CTAGE1: variants seen among roughly 807,000 people sequenced by gnomAD.
The protein encoded by CTAGE1 is cTAGE family member 2.
For synonymous variants in CTAGE1, 332 were observed against 302.8 expected, an observed-to-expected ratio of 1.10 and a Z score of -1.00; for missense variants, 963 against 855.9, an observed-to-expected ratio of 1.13 and a Z score of -1.56.
In CTAGE1 at chr18:22,416,236, T is replaced by C; in HGVS notation, c.1576A>G (p.Arg526Gly). 6.2e-7 allele frequency: 1 copy of C among 1,613,912 alleles called. No individual in the cohort carries two copies. The highest frequency in any genetic ancestry group is 8.5e-7 in the Non-Finnish European group (1 of 1,179,854). Residue 526 changes from arginine to glycine, a missense_variant, in exon 1 of 1, where the codon AGA (arginine) becomes GGA (glycine). Transcript: ENST00000391403. ...GGATTCCCTGGGCCTCTGGAGCCTC[T>C]TCCTCCTCCCCGTGGAAGCAAAGGT... ...LSPLLPRGGG[R>G]GSRGPGNPPD...
chr18:22,415,914 T>C lies in CTAGE1; in HGVS notation c.1898A>G (p.Asn633Ser). Residue 633 changes from asparagine to serine, a missense_variant, in exon 1 of 1, where the codon AAT (asparagine) becomes AGT (serine). Physicochemically the swap from Asn to Ser is conservative, Grantham distance 46. Coordinates refer to ENST00000391403, the MANE Select transcript of CTAGE1 (RefSeq NM_172241.3). Reference protein sequence around the residue: ...SMPSEMESSRNDTKDNLGNLK... With the variant: ...SMPSEMESSRSDTKDNLGNLK... ...ATTACCAAGATTATCTTTGGTATCA[T>C]TTCTACTGGATTCCATTTCTGAAGG... 6.2e-7 allele frequency: 1 copy of C among 1,613,974 alleles called. No individual in the cohort carries two copies. The highest frequency in any genetic ancestry group is 2.2e-5 in the East Asian group (1 of 44,876).
In CTAGE1 at chr18:22,415,828, G is replaced by A; in HGVS notation, c.1984C>T (p.Pro662Ser). The A allele has an allele frequency of 1.2e-6, 2 of 1,613,940 alleles. No individual in the cohort carries two copies. The highest frequency in any genetic ancestry group is 1.7e-6 in the Non-Finnish European group (2 of 1,179,856). ...CCTCTGATTGGAGCAAGAGGTGGAG[G>A]AACAAAGCCAGGGCCAGTTGCTTCA... ...ENEATGPGFV[P>S]PPLAPIRGLL... Residue 662 changes from proline (P) to serine (S), a missense_variant, in exon 1 of 1, where the codon CCT (proline) becomes TCT (serine). Pro to Ser is a moderately conservative substitution (Grantham distance 74). Transcript: ENST00000391403.
chr18:22,416,016 T>A lies in CTAGE1; in HGVS notation c.1796A>T (p.Asn599Ile), dbSNP rs1315266681. 1 of 1,613,928 alleles carries A rather than the reference T, an allele frequency of 6.2e-7. No homozygotes were observed. Among genetic ancestry groups the A allele is most frequent in the African/African-American group, 1.3e-5 (1 of 75,048 alleles). ...PPQRQDRFYS[N>I]CARLSGPAEL... ...TGCTGGTCCAGAGAGTCTAGCACAA[T>A]TAGAATAAAATCTGTCTTGCCTTTG... is the stretch of plus-strand genomic sequence containing the variant. Residue 599 changes from asparagine to isoleucine, a missense_variant, in exon 1 of 1, where the codon AAT (asparagine) becomes ATT (isoleucine). Transcript: ENST00000391403.
rs375036881 is a variant in CTAGE1 at position 22,415,569 on chromosome 18, T to G, written c.*5A>C. 27 of 1,587,100 alleles carry G rather than the reference T, an allele frequency of 1.7e-5. No individual in the cohort carries two copies. In the African/African-American group the frequency reaches 2.2e-4, roughly 13 times the overall value. Reference sequence around the variant, plus strand: ...ACTCAACCCTGATGGAAACTCATTCTACCTTCAGAATGTGGGGGCTGGGGG... The same window carrying G: ...ACTCAACCCTGATGGAAACTCATTCGACCTTCAGAATGTGGGGGCTGGGGG... On this transcript the variant is annotated 3_prime_UTR_variant, in exon 1 of 1. Coordinates refer to ENST00000391403, the MANE Select transcript of CTAGE1 (RefSeq NM_172241.3).
rs1328789678 is a variant in CTAGE1, at chr18:22,414,632, A to C, written c.*942T>G. ...AATTCACCAACTGCAATTAAGCACTATCTTAGATTTACTCCTTCCCCTTGC... is the reference window on the plus strand; with the variant it reads ...AATTCACCAACTGCAATTAAGCACTCTCTTAGATTTACTCCTTCCCCTTGC... On this transcript the variant is annotated 3_prime_UTR_variant, in exon 1 of 1. Transcript: ENST00000391403. 1.4e-6 allele frequency: 1 copy of C among 700,266 alleles called. No individual in the cohort carries two copies. Among genetic ancestry groups the C allele is most frequent in the East Asian group, 2.7e-5 (1 of 37,256 alleles). 43.4% of individuals were successfully genotyped at this position (700,266 alleles called of 1,614,324 possible).
In CTAGE1 at chr18:22,416,437, C is replaced by T; in HGVS notation, c.1375G>A (p.Glu459Lys). The change falls in exon 1 of 1, where the codon GAA (glutamate) becomes AAA (lysine). Residue 459 changes from glutamate (E) to lysine (K), a missense_variant. Physicochemically the swap from Glu to Lys is moderately conservative, Grantham distance 56. Coordinates refer to ENST00000391403, the MANE Select transcript of CTAGE1 (RefSeq NM_172241.3). The stretch of plus-strand genomic sequence containing the variant: ...AAAAGTTTTATTTTAAACTCTATTT[C>T]AGTTAATTTTTGTCTGTTGTGAGCA... ...ENAHNRQKLT[E>K]IEFKIKLLEK... 1.9e-6 allele frequency: 3 copies of T among 1,613,790 alleles called. No homozygotes were observed. The highest frequency in any genetic ancestry group is 2.5e-6 in the Non-Finnish European group (3 of 1,179,910).
Position 22,414,434 on chromosome 18 carries a change from T to G in CTAGE1, c.*1140A>C. The stretch of plus-strand genomic sequence containing the variant: ...GTGGCATTAACTGCTAGGGGAGGCA[T>G]GTGAGCTAGGATGCTTTTTAAAAGT... On this transcript the variant is annotated 3_prime_UTR_variant, in exon 1 of 1. Transcript: ENST00000391403. 1 of 518,394 alleles carries G rather than the reference T, an allele frequency of 1.9e-6. No individual in the cohort carries two copies. The highest frequency in any genetic ancestry group is 3.4e-6 in the Non-Finnish European group (1 of 294,654). The allele number at this position is 518,394 out of a possible 1,614,324, so 32.1% of individuals were successfully genotyped here. A position where few individuals can be genotyped will look rare whatever the true frequency, so the allele number is the denominator to read the frequency against.
chr18:22,415,648 C>T lies in CTAGE1; in HGVS notation c.2164G>A (p.Val722Ile), dbSNP rs760363760. 6.2e-7 allele frequency: 1 copy of T among 1,614,092 alleles called. No individual in the cohort carries two copies. Among genetic ancestry groups the T allele is most frequent in the Non-Finnish European group, 8.5e-7 (1 of 1,180,018 alleles). ...PPRAPFAMRN[V>I]YLPRGFLPYR... is the part of the protein sequence containing the mutation. ...GGAAGAAAACCTCTCGGTAAATAGA[C>T]ATTTCTCATTGCAAATGGAGCACGT... The change falls in exon 1 of 1, where the codon GTC becomes ATC. Residue 722 changes from valine to isoleucine, a missense_variant. Val to Ile is a conservative substitution (Grantham distance 29). Transcript: ENST00000391403.
rs566641623 is a variant in CTAGE1 at position 22,415,986 on chromosome 18, A to G, written c.1826T>C (p.Leu609Pro). The change falls in exon 1 of 1, where the codon CTC becomes CCC. Residue 609 changes from leucine to proline, a missense_variant. By Grantham distance (98) the Leu-to-Pro change is moderately conservative. Coordinates refer to ENST00000391403, the MANE Select transcript of CTAGE1 (RefSeq NM_172241.3). ...CAAAGAAGGCATATTAAAACTTCTG[A>G]GTTCTGCTGGTCCAGAGAGTCTAGC... ...NCARLSGPAE[L>P]RSFNMPSLDK... 9.3e-6 allele frequency: 15 copies of G among 1,613,948 alleles called. No individual in the cohort carries two copies. The East Asian group carries it at 1.6e-4, about 17-fold the overall frequency.
At position 22,417,894 on chromosome 18, in the gene CTAGE1, T is replaced by C. The variant is rs951137120; in HGVS notation, c.-83A>G. The C allele has an allele frequency of 5.1e-6, 7 of 1,368,422 alleles. No individual in the cohort carries two copies. The African/African-American group carries it at 7.2e-5, about 14-fold the overall frequency. The allele number at this position is 1,368,422 out of a possible 1,614,324, so 84.8% of individuals were successfully genotyped here. A position where few individuals can be genotyped will look rare whatever the true frequency, so the allele number is the denominator to read the frequency against. On this transcript the variant is annotated 5_prime_UTR_variant, in exon 1 of 1. Coordinates refer to ENST00000391403, the MANE Select transcript of CTAGE1 (RefSeq NM_172241.3). ...TGGCTGAGGGTTAGCCCTAGGCTCC[T>C]CCGTAGCGCCAAGGCTGCTCTGGCG... is the stretch of plus-strand genomic sequence containing the variant.
Position 22,416,631 on chromosome 18 carries a change from G to A in CTAGE1, c.1181C>T (p.Ala394Val). The A allele has an allele frequency of 6.2e-7, 1 of 1,613,668 alleles. No individual in the cohort carries two copies. ...TCGGTAGGTCTCCAGCTCTTCAGTGGCATGGCTGATCATTTCGTCTACTTT... is the reference window on the plus strand; with the variant it reads ...TCGGTAGGTCTCCAGCTCTTCAGTGACATGGCTGATCATTTCGTCTACTTT... ...LSKVDEMISH[A>V]TEELETYRKR... Residue 394 changes from alanine (A) to valine (V), a missense_variant, in exon 1 of 1, where the codon GCC becomes GTC. By Grantham distance (64) the Ala-to-Val change is moderately conservative. Transcript: ENST00000391403.
chr18:22,415,018 A>C lies in CTAGE1; in HGVS notation c.*556T>G, dbSNP rs1274997099. On this transcript the variant is annotated 3_prime_UTR_variant, in exon 1 of 1. Coordinates refer to ENST00000391403, the MANE Select transcript of CTAGE1 (RefSeq NM_172241.3). ...TCTATAAGACAGGAGATCCAAGATC[A>C]TCTTGGTTTAAAGTGAAATATTCTA... 1.8e-6 allele frequency: 1 copy of C among 549,098 alleles called. No homozygotes were observed. Among genetic ancestry groups the C allele is most frequent in the Non-Finnish European group, 3.2e-6 (1 of 312,894 alleles). 34.0% of individuals were successfully genotyped at this position (549,098 alleles called of 1,614,324 possible).
Position 22,413,623 on chromosome 18 carries a change from T to C in CTAGE1, c.*1951A>G, listed in dbSNP as rs948055016. 2 of 152,228 alleles carry C rather than the reference T, an allele frequency of 1.3e-5. No homozygotes were observed. Among genetic ancestry groups the C allele is most frequent in the African/African-American group, 2.4e-5 (1 of 41,462 alleles). 9.4% of individuals were successfully genotyped at this position (152,228 alleles called of 1,614,324 possible). On this transcript the variant is annotated 3_prime_UTR_variant, in exon 1 of 1. Coordinates refer to ENST00000391403, the MANE Select transcript of CTAGE1 (RefSeq NM_172241.3). ...ATGGATTTTTATACTTATTCACTCT[T>C]TATTATTTCAACTTTCTTTTTAGTT... is the stretch of plus-strand genomic sequence containing the variant.
At position 22,417,102 on chromosome 18, in the gene CTAGE1, A is replaced by G. The variant is rs1294102721; in HGVS notation, c.710T>C (p.Leu237Pro). 1.2e-6 allele frequency: 2 copies of G among 1,613,810 alleles called. No individual in the cohort carries two copies. ...TTTCATCTTTAGCAAGCGTTCAGTC[A>G]GAGTCTTGATGTGATTTTCTTTATC... Reference protein sequence around the residue: ...LNDKENHIKTLTERLLKMKDG... With the variant: ...LNDKENHIKTPTERLLKMKDG... The change falls in exon 1 of 1, where the codon CTG becomes CCG. Residue 237 changes from leucine (L) to proline (P), a missense_variant. Coordinates refer to ENST00000391403, the MANE Select transcript of CTAGE1 (RefSeq NM_172241.3).
rs757988486 is a variant in CTAGE1, at chr18:22,416,489, T to C, written c.1323A>G (p.Arg441=). The C allele has an allele frequency of 6.2e-7, 1 of 1,614,150 alleles. No individual in the cohort carries two copies. Among genetic ancestry groups the C allele is most frequent in the Non-Finnish European group, 8.5e-7 (1 of 1,180,000 alleles). ...TTTCTTTCCTTAAATCATTGAGGTTTCTTTCAGCAGTCCAAGCTGCCGACC... is the reference window on the plus strand; with the variant it reads ...TTTCTTTCCTTAAATCATTGAGGTTCCTTTCAGCAGTCCAAGCTGCCGACC... The part of the protein sequence containing the change: ...DNWSAAWTAE[R]NLNDLRKENA... Residue 441 remains arginine (R), a synonymous_variant, in exon 1 of 1, where the codon AGA becomes AGG. Coordinates refer to ENST00000391403, the MANE Select transcript of CTAGE1 (RefSeq NM_172241.3).
In CTAGE1 at chr18:22,415,969, G is replaced by T. The variant is rs761703667; in HGVS notation, c.1843C>A (p.Pro615Thr). 2.5e-6 allele frequency: 4 copies of T among 1,613,922 alleles called. No homozygotes were observed. Among genetic ancestry groups the T allele is most frequent in the Non-Finnish European group, 2.5e-6 (3 of 1,179,858 alleles). ...GACCCATCCATTTTATCCAAAGAAG[G>T]CATATTAAAACTTCTGAGTTCTGCT... ...GPAELRSFNM[P>T]SLDKMDGSMP... Residue 615 changes from proline to threonine, a missense_variant, in exon 1 of 1, where the codon CCT becomes ACT. Pro to Thr is a conservative substitution (Grantham distance 38). Transcript: ENST00000391403.
chr18:22,416,917 A>C lies in CTAGE1; in HGVS notation c.895T>G (p.Leu299Val). 1.9e-6 allele frequency: 3 copies of C among 1,613,934 alleles called. No individual in the cohort carries two copies. The highest frequency in any genetic ancestry group is 2.5e-6 in the Non-Finnish European group (3 of 1,179,888). ...AAKLNASLKTLEGERNQIYIQ... is the reference protein window; with the variant it reads ...AAKLNASLKTVEGERNQIYIQ... ...TAAATTTGGTTTCTTTCTCCTTCTA[A>C]GGTTTTTAAGGAAGCATTTAACTTA... The change falls in exon 1 of 1, where the codon TTA becomes GTA. Residue 299 changes from leucine (L) to valine (V), a missense_variant. Transcript: ENST00000391403.
chr18:22,416,682 C>T lies in CTAGE1; in HGVS notation c.1130G>A (p.Arg377Gln), dbSNP rs377367059. The T allele has an allele frequency of 4.2e-5, 67 of 1,613,686 alleles. No individual in the cohort carries two copies. The highest frequency in any genetic ancestry group is 8.3e-5 in the Admixed American group (5 of 59,968). Reference protein sequence around the residue: ...YRKLIVEEKCRLEKEEKLSKV... With the variant: ...YRKLIVEEKCQLEKEEKLSKV... The stretch of plus-strand genomic sequence containing the variant: ...AGAAAGTTTCTCTTCTTTCTCTAAC[C>T]GGCATTTTTCCTCTACTATTAATTT... The change falls in exon 1 of 1, where the codon CGG (arginine) becomes CAG (glutamine). Residue 377 changes from arginine (R) to glutamine (Q), a missense_variant. Arg to Gln is a conservative substitution (Grantham distance 43). Coordinates refer to ENST00000391403, the MANE Select transcript of CTAGE1 (RefSeq NM_172241.3).
Position 22,415,009 on chromosome 18 carries a change from T to C in CTAGE1, c.*565A>G. On this transcript the variant is annotated 3_prime_UTR_variant, in exon 1 of 1. Transcript: ENST00000391403. ...GATATAAAATCTATAAGACAGGAGA[T>C]CCAAGATCATCTTGGTTTAAAGTGA... The C allele has an allele frequency of 1.8e-6, 1 of 559,248 alleles. No individual in the cohort carries two copies. The highest frequency in any genetic ancestry group is 3.1e-6 in the Non-Finnish European group (1 of 318,478). 34.6% of individuals were successfully genotyped at this position (559,248 alleles called of 1,614,324 possible).
Sources: gnomAD v4.1 joint callset for allele counts on GRCh38, gnomAD v4.1.1 for gene constraint, MANE v1.5 for transcripts, NCBI Gene and HGNC (gene_info 2026-07-23, HGNC 2026-07-21) for gene names.